The following FRAT2 variants were observed in gnomAD, a reference collection of about 807,000 sequenced individuals.
FRAT2 encodes the protein FRAT regulator of Wnt signaling pathway 2.
For missense variants in FRAT2, 326 were observed against 340.8 expected (o/e 0.96, Z 0.34); for synonymous variants, 205 against 171.5 (o/e 1.20, Z -1.53).
Position 97,333,779 on chromosome 10 carries a change from C to T in FRAT2, c.*92G>A. ...CGCAGCCAAAGTGGTCGCTCCCAGG[C>T]TGGCGACGTCGGCTTCAGCTCAGAG... On this transcript the variant is annotated 3_prime_UTR_variant, in exon 1 of 1. Coordinates refer to ENST00000371019, the MANE Select transcript of FRAT2 (RefSeq NM_012083.3). 5.2e-6 allele frequency: 7 copies of T among 1,333,706 alleles called. No individual in the cohort carries two copies. Among genetic ancestry groups the T allele is most frequent in the Non-Finnish European group, 6.8e-6 (7 of 1,032,004 alleles). 82.6% of individuals were successfully genotyped at this position (1,333,706 alleles called of 1,614,324 possible). A position where few individuals can be genotyped will look rare whatever the true frequency, so the allele number is the denominator to read the frequency against.
chr10:97,334,094 T>C lies in FRAT2; in HGVS notation c.479A>G (p.Gln160Arg), dbSNP rs751211779. Reference sequence around the variant, plus strand: ...TGCCCCGGCTTGGGTCCATCGGCGCTGCTGCAAGCGGCGGGAGGTGACCGC... The same window carrying C: ...TGCCCCGGCTTGGGTCCATCGGCGCCGCTGCAAGCGGCGGGAGGTGACCGC... ...RDAVTSRRLQ[Q>R]RRWTQAGARA... Residue 160 changes from glutamine to arginine, a missense_variant, in exon 1 of 1, where the codon CAG becomes CGG. Gln to Arg is a conservative substitution (Grantham distance 43). Coordinates refer to ENST00000371019, the MANE Select transcript of FRAT2 (RefSeq NM_012083.3). The C allele has an allele frequency of 1.9e-4, 294 of 1,589,020 alleles. 1 individual carries two copies. The highest frequency in any genetic ancestry group is 2.5e-4 in the Non-Finnish European group (290 of 1,176,396).
Position 97,334,727 on chromosome 10 carries a change from A to T in FRAT2, c.-155T>A, listed in dbSNP as rs947773962. On this transcript the variant is annotated 5_prime_UTR_variant, in exon 1 of 1. Coordinates refer to ENST00000371019, the MANE Select transcript of FRAT2 (RefSeq NM_012083.3). ...ACGCGCCTGCAGCCGCTGGAGCCGG[A>T]ATCCTGCCGGCTCGGGTTGATTTGT... 4.7e-6 allele frequency: 4 copies of T among 856,820 alleles called. No individual in the cohort carries two copies. The African/African-American group carries it at 7.0e-5, about 15-fold the overall frequency. The allele number at this position is 856,820 out of a possible 1,614,324, so 53.1% of individuals were successfully genotyped here. A position where few individuals can be genotyped will look rare whatever the true frequency, so the allele number is the denominator to read the frequency against.
rs1843550535 is a variant in FRAT2, at chr10:97,333,984, G to A, written c.589C>T (p.Gln197Ter). 1 of 1,587,886 alleles carries A rather than the reference G, an allele frequency of 6.3e-7. No individual in the cohort carries two copies. ...GCTGCAACCGCGGCGACGGCTCGTT[G>A]GAGTCTCCGCACGGCTTCCTTGATG... ...NLIKEAVRRL[Q>*]RAVAAVAATG... Residue 197 changes from glutamine (Q) to a stop codon, truncating the protein, a stop_gained, in exon 1 of 1, where the codon CAA becomes TAA. Transcript: ENST00000371019. LOFTEE classifies it low-confidence loss of function (END_TRUNC).
rs763443852 is a variant in FRAT2, at chr10:97,334,574, G to A, written c.-2C>T. 4.2e-6 allele frequency: 6 copies of A among 1,444,000 alleles called. No individual in the cohort carries two copies. Among genetic ancestry groups the A allele is most frequent in the Non-Finnish European group, 5.5e-6 (6 of 1,096,390 alleles). The allele number at this position is 1,444,000 out of a possible 1,614,324, so 89.4% of individuals were successfully genotyped here. ...TTCCTCCTCCCTCCGGCACGGCATG[G>A]CCCCCCGTCCTGGCACCCGGAGCTG... is the stretch of plus-strand genomic sequence containing the variant. On this transcript the variant is annotated 5_prime_UTR_variant, in exon 1 of 1. Transcript: ENST00000371019.
chr10:97,333,851 C>A lies in FRAT2; in HGVS notation c.*20G>T, dbSNP rs771195431. On this transcript the variant is annotated 3_prime_UTR_variant, in exon 1 of 1. Coordinates refer to ENST00000371019, the MANE Select transcript of FRAT2 (RefSeq NM_012083.3). ...TGGGTCTACGCAGCGGCCTCCACTT[C>A]CTCCTCCAGGAGGCCTGCGTCAGAG... The A allele has an allele frequency of 6.8e-7, 1 of 1,474,476 alleles. No individual in the cohort carries two copies. The highest frequency in any genetic ancestry group is 1.3e-5 in the South Asian group (1 of 75,638). The allele number at this position is 1,474,476 out of a possible 1,614,324, so 91.3% of individuals were successfully genotyped here. A position where few individuals can be genotyped will look rare whatever the true frequency, so the allele number is the denominator to read the frequency against.
Position 97,333,480 on chromosome 10 carries a change from T to G in FRAT2, c.*391A>C. 5.0e-6 allele frequency: 1 copy of G among 200,052 alleles called. No individual in the cohort carries two copies. The highest frequency in any genetic ancestry group is 1.0e-5 in the Non-Finnish European group (1 of 99,656). The allele number at this position is 200,052 out of a possible 1,614,324, so 12.4% of individuals were successfully genotyped here. Reference sequence around the variant, plus strand: ...TATGCGTGTCGTTAGTTTTCAAGTATTGTTATAAAGCCATCGCGATTCCTA... The same window carrying G: ...TATGCGTGTCGTTAGTTTTCAAGTAGTGTTATAAAGCCATCGCGATTCCTA... On this transcript the variant is annotated 3_prime_UTR_variant, in exon 1 of 1. Coordinates refer to ENST00000371019, the MANE Select transcript of FRAT2 (RefSeq NM_012083.3).
chr10:97,333,884 C>G lies in FRAT2; in HGVS notation c.689G>C (p.Gly230Ala), dbSNP rs750085287. The change falls in exon 1 of 1, where the codon GGC becomes GCC. Residue 230 changes from glycine to alanine, a missense_variant. Coordinates refer to ENST00000371019, the MANE Select transcript of FRAT2 (RefSeq NM_012083.3). ...GPDRIALQPS[G>A]SLL ...AGGAGGCCTGCGTCAGAGCAAGGAG[C>G]CTGAGGGCTGCAGGGCAATGCGGTC... The G allele has an allele frequency of 6.5e-7, 1 of 1,539,608 alleles. No individual in the cohort carries two copies. The highest frequency in any genetic ancestry group is 8.7e-7 in the Non-Finnish European group (1 of 1,148,660).
chr10:97,332,714 GCTT>G lies in FRAT2; in HGVS notation c.*1154_*1156del, dbSNP rs1451390314. 6.6e-6 allele frequency: 1 copy of G among 152,164 alleles called. No individual in the cohort carries two copies. Among genetic ancestry groups the G allele is most frequent in the Non-Finnish European group, 1.5e-5 (1 of 68,030 alleles). The allele number at this position is 152,164 out of a possible 1,614,324, so 9.4% of individuals were successfully genotyped here. A position where few individuals can be genotyped will look rare whatever the true frequency, so the allele number is the denominator to read the frequency against. On this transcript the variant is annotated 3_prime_UTR_variant, in exon 1 of 1. Coordinates refer to ENST00000371019, the MANE Select transcript of FRAT2 (RefSeq NM_012083.3). ...GCCGTCAAGTTTCATACAGCCAGCG[GCTT>G]CTTCTCTGGGAGAGTCACATTTTAA...
In FRAT2 at chr10:97,334,195, C is replaced by G; in HGVS notation, c.378G>C (p.Ala126=). The part of the protein sequence containing the change: ...GDRGRVRGRA[A]PYCVAEVAAG... ...CGGCGACCTCCGCCACGCAGTAGGG[C>G]GCAGCGCGTCCGCGCACGCGGCCGC... Residue 126 remains alanine, a synonymous_variant, in exon 1 of 1, where the codon GCG becomes GCC. Transcript: ENST00000371019. 1 of 1,283,010 alleles carries G rather than the reference C, an allele frequency of 7.8e-7. No individual in the cohort carries two copies. The allele number at this position is 1,283,010 out of a possible 1,614,324, so 79.5% of individuals were successfully genotyped here. A position where few individuals can be genotyped will look rare whatever the true frequency, so the allele number is the denominator to read the frequency against.
Position 97,334,108 on chromosome 10 carries a change from G to A in FRAT2, c.465C>T (p.Ser155=). 2.5e-6 allele frequency: 4 copies of A among 1,578,680 alleles called. No individual in the cohort carries two copies. Among genetic ancestry groups the A allele is most frequent in the Non-Finnish European group, 3.4e-6 (4 of 1,171,832 alleles). The part of the protein sequence containing the change: ...RRGWLRDAVT[S]RRLQQRRWTQ... ...TCCATCGGCGCTGCTGCAAGCGGCGGGAGGTGACCGCGTCCCTGAGCCATC... is the reference window on the plus strand; with the variant it reads ...TCCATCGGCGCTGCTGCAAGCGGCGAGAGGTGACCGCGTCCCTGAGCCATC... Residue 155 remains serine (S), a synonymous_variant, in exon 1 of 1, where the codon TCC becomes TCT. Transcript: ENST00000371019.
In FRAT2 at chr10:97,333,900, C is replaced by A; in HGVS notation, c.673G>T (p.Ala225Ser). The A allele has an allele frequency of 6.4e-7, 1 of 1,562,126 alleles. No individual in the cohort carries two copies. The highest frequency in any genetic ancestry group is 1.3e-5 in the African/African-American group (1 of 74,120). The change falls in exon 1 of 1, where the codon GCC (alanine) becomes TCC (serine). Residue 225 changes from alanine to serine, a missense_variant. Coordinates refer to ENST00000371019, the MANE Select transcript of FRAT2 (RefSeq NM_012083.3). ...GGGRSGPDRI[A>S]LQPSGSLL ...AGCAAGGAGCCTGAGGGCTGCAGGGCAATGCGGTCAGGTCCGCTGCGGCCT... is the reference window on the plus strand; with the variant it reads ...AGCAAGGAGCCTGAGGGCTGCAGGGAAATGCGGTCAGGTCCGCTGCGGCCT...
Position 97,334,592 on chromosome 10 carries a change from C to T in FRAT2, c.-20G>A, listed in dbSNP as rs2134973824. Reference sequence around the variant, plus strand: ...CGGCATGGCCCCCCGTCCTGGCACCCGGAGCTGTGCGGGCTTCGCTGGGGG... The same window carrying T: ...CGGCATGGCCCCCCGTCCTGGCACCTGGAGCTGTGCGGGCTTCGCTGGGGG... On this transcript the variant is annotated 5_prime_UTR_variant, in exon 1 of 1. Coordinates refer to ENST00000371019, the MANE Select transcript of FRAT2 (RefSeq NM_012083.3). The T allele has an allele frequency of 7.1e-7, 1 of 1,400,926 alleles. No homozygotes were observed. Among genetic ancestry groups the T allele is most frequent in the Non-Finnish European group, 9.3e-7 (1 of 1,071,558 alleles). The allele number at this position is 1,400,926 out of a possible 1,614,324, so 86.8% of individuals were successfully genotyped here. A position where few individuals can be genotyped will look rare whatever the true frequency, so the allele number is the denominator to read the frequency against.
In FRAT2 at chr10:97,334,142, C is replaced by G; in HGVS notation, c.431G>C (p.Cys144Ser). 6.6e-7 allele frequency: 1 copy of G among 1,512,962 alleles called. No homozygotes were observed. Among genetic ancestry groups the G allele is most frequent in the Non-Finnish European group, 8.8e-7 (1 of 1,139,376 alleles). The allele number at this position is 1,512,962 out of a possible 1,614,324, so 93.7% of individuals were successfully genotyped here. ...CGCGTCCCTGAGCCATCCTCGCCGGCACGGCCCCGGCAGCGCGCTGGGGCC... is the reference window on the plus strand; with the variant it reads ...CGCGTCCCTGAGCCATCCTCGCCGGGACGGCCCCGGCAGCGCGCTGGGGCC... ...AAGPSALPGP[C>S]RRGWLRDAVT... Residue 144 changes from cysteine (C) to serine (S), a missense_variant, in exon 1 of 1, where the codon TGC (cysteine) becomes TCC (serine). Coordinates refer to ENST00000371019, the MANE Select transcript of FRAT2 (RefSeq NM_012083.3).
At position 97,333,865 on chromosome 10, in the gene FRAT2, C is replaced by A; in HGVS notation, c.*6G>T. ...GGCCTCCACTTCCTCCTCCAGGAGG[C>A]CTGCGTCAGAGCAAGGAGCCTGAGG... On this transcript the variant is annotated 3_prime_UTR_variant, in exon 1 of 1. Coordinates refer to ENST00000371019, the MANE Select transcript of FRAT2 (RefSeq NM_012083.3). The A allele has an allele frequency of 6.7e-7, 1 of 1,500,962 alleles. No individual in the cohort carries two copies. The highest frequency in any genetic ancestry group is 1.3e-5 in the South Asian group (1 of 79,060). The allele number at this position is 1,500,962 out of a possible 1,614,324, so 93.0% of individuals were successfully genotyped here. A position where few individuals can be genotyped will look rare whatever the true frequency, so the allele number is the denominator to read the frequency against.
At position 97,334,141 on chromosome 10, in the gene FRAT2, G is replaced by C; in HGVS notation, c.432C>G (p.Cys144Trp). The C allele has an allele frequency of 6.6e-7, 1 of 1,512,626 alleles. No individual in the cohort carries two copies. The highest frequency in any genetic ancestry group is 8.8e-7 in the Non-Finnish European group (1 of 1,139,166). The allele number at this position is 1,512,626 out of a possible 1,614,324, so 93.7% of individuals were successfully genotyped here. ...AAGPSALPGP[C>W]RRGWLRDAVT... ...CCGCGTCCCTGAGCCATCCTCGCCGGCACGGCCCCGGCAGCGCGCTGGGGC... is the reference window on the plus strand; with the variant it reads ...CCGCGTCCCTGAGCCATCCTCGCCGCCACGGCCCCGGCAGCGCGCTGGGGC... Residue 144 changes from cysteine (C) to tryptophan (W), a missense_variant, in exon 1 of 1, where the codon TGC becomes TGG. Transcript: ENST00000371019.
rs892673843 is a variant in FRAT2, at chr10:97,333,434, C to T, written c.*437G>A. ...TTGTAGCACCACTTACTAAGCTCCTCCACCAGAAAATAAGAAAATGTATGC... is the reference window on the plus strand; with the variant it reads ...TTGTAGCACCACTTACTAAGCTCCTTCACCAGAAAATAAGAAAATGTATGC... On this transcript the variant is annotated 3_prime_UTR_variant, in exon 1 of 1. Transcript: ENST00000371019. 6.2e-6 allele frequency: 1 copy of T among 160,676 alleles called. No homozygotes were observed. The highest frequency in any genetic ancestry group is 2.4e-5 in the African/African-American group (1 of 41,818). The allele number at this position is 160,676 out of a possible 1,614,324, so 10.0% of individuals were successfully genotyped here.
At position 97,334,204 on chromosome 10, in the gene FRAT2, TCCGCGCACGCGG is replaced by T. The variant is rs1414706513; in HGVS notation, c.357_368del (p.Val121_Arg124del). 20 of 1,261,204 alleles carry T rather than the reference TCCGCGCACGCGG, an allele frequency of 1.6e-5. 1 individual carries two copies. The highest frequency in any genetic ancestry group is 2.9e-5 in the South Asian group (1 of 34,220). 78.1% of individuals were successfully genotyped at this position (1,261,204 alleles called of 1,614,324 possible). A position where few individuals can be genotyped will look rare whatever the true frequency, so the allele number is the denominator to read the frequency against. On this transcript the variant is annotated inframe_deletion, in exon 1 of 1. Transcript: ENST00000371019. ...CCGCCACGCAGTAGGGCGCAGCGCG[TCCGCGCACGCGG>T]CCGCGGTCCCCTAGGGCGCAGCGCA...
Position 97,334,651 on chromosome 10 carries a change from A to C in FRAT2, c.-79T>G. 7.7e-7 allele frequency: 1 copy of C among 1,295,230 alleles called. No individual in the cohort carries two copies. 80.2% of individuals were successfully genotyped at this position (1,295,230 alleles called of 1,614,324 possible). On this transcript the variant is annotated 5_prime_UTR_variant, in exon 1 of 1. Transcript: ENST00000371019. ...CCCGCGGGCGCGGAGCTGCGGGCGA[A>C]GCCGGAGCAGGGGCGGACGCGGAAG...
At position 97,333,037 on chromosome 10, in the gene FRAT2, G is replaced by T. The variant is rs1044022343; in HGVS notation, c.*834C>A. ...GTAAAAAGGAAAGCACAGAAAACAG[G>T]AAAGAACTCTCCCTACACGTCCCTC... is the stretch of plus-strand genomic sequence containing the variant. On this transcript the variant is annotated 3_prime_UTR_variant, in exon 1 of 1. Transcript: ENST00000371019. 2 of 151,626 alleles carry T rather than the reference G, an allele frequency of 1.3e-5. No individual in the cohort carries two copies. Among genetic ancestry groups the T allele is most frequent in the Non-Finnish European group, 2.9e-5 (2 of 67,900 alleles). The allele number at this position is 151,626 out of a possible 1,614,324, so 9.4% of individuals were successfully genotyped here.
Sources: allele counts gnomAD v4.1 joint callset, GRCh38; gene constraint gnomAD v4.1.1; transcripts MANE v1.5; gene names NCBI Gene and HGNC (gene_info 2026-07-23, HGNC 2026-07-21).